Variants in CSMD1 observed in about 807,000 individuals in gnomAD.
CSMD1 encodes CUB and Sushi multiple domains 1, also known as CUB and sushi domain-containing protein 1.
A neutral mutation model predicts 417.5 loss-of-function variants in CSMD1; 213 were observed. The observed-to-expected ratio is 0.51, with a 90% CI of 0.46 to 0.57. The LOEUF (loss-of-function observed/expected upper bound fraction) is 0.57, where lower values mean the gene tolerates loss of function less well. Among genes scored for constraint, CSMD1 ranks in the 20% least tolerant of loss-of-function variants. The pLI is 0.00. For synonymous variants in CSMD1, 2,862 were observed against 1,736.8 expected, an observed-to-expected ratio of 1.65 and a Z score of -16.11; for missense variants, 6,923 against 4,529.7, an observed-to-expected ratio of 1.53 and a Z score of -15.17.
intron 1 of CSMD1, among the ~76,000 whole-genome samples, chr8:4,987,530 T>C (rs1811242637): frequency 6.6e-6 from 1 of 152,200 alleles, no homozygotes; most frequent in Non-Finnish European, 1.5e-5. Flanking sequence ...TTCTTGAATT[T>C]CATTGAGGTT....
At chr8:4,250,976 G>C (rs111409457) in intron 3 of CSMD1, among the ~76,000 whole-genome samples, 5 of 152,150 alleles carry the variant, frequency 3.3e-5, no homozygotes, top group Admixed American at 2.6e-4. Flanking sequence ...TAGGTGAATT[G>C]ATTAGACACT....
intron 12 of CSMD1, among the ~76,000 whole-genome samples, chr8:3,424,452 T>C (rs1050041470): frequency 6.6e-6 from 1 of 152,222 alleles, no homozygotes; most frequent in African/African-American, 2.4e-5. Context: ...TGTGTATTTA[T>C]TCACTGTTTG....
intron 5 of CSMD1, among the ~76,000 whole-genome samples, chr8:3,756,795 G>A (rs987310989): frequency 2.7e-5 from 4 of 146,230 alleles, no homozygotes; most frequent in African/African-American, 7.3e-5. Flanking sequence ...AAAACCAGGT[G>A]GAATTTTTTT....
intron 5 of CSMD1, among the ~76,000 whole-genome samples, chr8:3,952,375 A>G (rs1409445419): frequency 1.3e-5 from 2 of 152,222 alleles, no homozygotes; most frequent in Admixed American, 6.5e-5. Context: ...CATAAAATAG[A>G]TTTAATTCTA....
In CSMD1 at chr8:3,945,963, T is replaced by C. The variant is rs755355734; in HGVS notation, c.818+51940A>G. Among the ~76,000 whole-genome samples, 66 of 152,150 alleles carry C rather than the reference T, an allele frequency of 4.3e-4. 1 individual carries two copies. The highest frequency in any genetic ancestry group is 4.3e-4 in the Non-Finnish European group (29 of 68,000). ...TATTATTACTAATAACTTAAATTTA[T>C]TGAAAGGTTATGTTCCAGACCGTAT... On this transcript the variant is annotated intron_variant, in intron 5 of 69. Coordinates refer to ENST00000635120, the MANE Select transcript of CSMD1 (RefSeq NM_033225.6).
At chr8:4,175,373 C>T (rs1037095744) in intron 3 of CSMD1, among the ~76,000 whole-genome samples, 1 of 152,122 alleles carries the variant, frequency 6.6e-6, no homozygotes, top group South Asian at 2.1e-4. Context: ...GTGTTGGGCT[C>T]TAGTCTGATC....
chr8:3,696,719 C>T (rs947721366), intron 7 of CSMD1, among the ~76,000 whole-genome samples: 10 of 152,008 alleles, frequency 6.6e-5, no homozygotes, highest in African/African-American at 1.5e-4. Flanking sequence ...CCATTTTAAT[C>T]GTTAAAGTAT....
At chr8:3,314,373 A>C (rs1255969658) in intron 23 of CSMD1, among the ~76,000 whole-genome samples, 1 of 152,212 alleles carries the variant, frequency 6.6e-6, no homozygotes. Flanking sequence ...ATCAATTTTA[A>C]GCCTGCTGAA....
At chr8:4,287,193 T>C (rs1470428212) in intron 3 of CSMD1, among the ~76,000 whole-genome samples, 1 of 152,210 alleles carries the variant, frequency 6.6e-6, no homozygotes, top group Non-Finnish European at 1.5e-5. Flanking sequence ...CAGTTTAATT[T>C]TACTCACATA....
At chr8:3,951,368 A>G (rs775148910) in intron 5 of CSMD1, among the ~76,000 whole-genome samples, 17 of 152,328 alleles carry the variant, frequency 1.1e-4, no homozygotes, top group East Asian at 5.8e-4. Flanking sequence ...CAAGAATTCA[A>G]TAAGTTTGTT....
intron 5 of CSMD1, among the ~76,000 whole-genome samples, chr8:3,804,253 C>T (rs1800609270): frequency 6.6e-6 from 1 of 152,034 alleles, no homozygotes; most frequent in Non-Finnish European, 1.5e-5. Context: ...TTTTAAACGT[C>T]AATTCAAAAC....
At chr8:3,566,732 C>T (rs968541152) in intron 10 of CSMD1, among the ~76,000 whole-genome samples, 11 of 152,040 alleles carry the variant, frequency 7.2e-5, no homozygotes, top group Non-Finnish European at 1.5e-4. Context: ...AATAAGATAC[C>T]ATCTCACACC....
intron 21 of CSMD1, among the ~76,000 whole-genome samples, chr8:3,357,622 C>G (rs1808879108): frequency 6.6e-6 from 1 of 152,150 alleles, no homozygotes; most frequent in Admixed American, 6.5e-5. Context: ...TCATTATAAT[C>G]AGTAGACTAC....
chr8:3,968,004 T>TAAAAAAAAAAAAA (rs11330461), intron 5 of CSMD1, among the ~76,000 whole-genome samples: 236 of 98,856 alleles, frequency 2.4e-3, no homozygotes, highest in African/African-American at 9.1e-3. Context: ...CGTCACTGCT[T>TAAAAAAAAAAAAA]AAAAAAAAAA....
At chr8:3,595,487 A>G (rs753439077) in intron 8 of CSMD1, among the ~76,000 whole-genome samples, 3 of 152,196 alleles carry the variant, frequency 2.0e-5, no homozygotes, top group Admixed American at 1.3e-4. Flanking sequence ...GAGTAGATGG[A>G]ACTCTCTAGC....
At chr8:3,536,245 T>G (rs1024082605) in intron 10 of CSMD1, among the ~76,000 whole-genome samples, 4 of 152,242 alleles carry the variant, frequency 2.6e-5, no homozygotes, top group African/African-American at 4.8e-5. Context: ...AATTTATAAA[T>G]GAGCTGAGTT....
At chr8:4,277,218 C>T (rs1416046192) in intron 3 of CSMD1, among the ~76,000 whole-genome samples, 6 of 147,592 alleles carry the variant, frequency 4.1e-5, no homozygotes, top group South Asian at 2.2e-4. Flanking sequence ...TATATATATA[C>T]ACACAGACAC....
chr8:4,009,134 G>A (rs1270995576), intron 4 of CSMD1, among the ~76,000 whole-genome samples: 1 of 152,152 alleles, frequency 6.6e-6, no homozygotes, highest in East Asian at 1.9e-4. Context: ...CTTAATCCAA[G>A]AAGAACATAA....
chr8:3,450,567 T>C (rs1248291808), intron 12 of CSMD1, among the ~76,000 whole-genome samples: 2 of 150,724 alleles, frequency 1.3e-5, no homozygotes, highest in Admixed American at 6.6e-5. Context: ...CAGTGTTTGT[T>C]TTTTTTTTGT....
Sources: allele counts gnomAD v4.1 joint callset (sites outside exome capture counted in the v4.1 genomes callset), GRCh38; gene constraint gnomAD v4.1.1; transcripts MANE v1.5; gene names NCBI Gene and HGNC (gene_info 2026-07-23, HGNC 2026-07-21).